Variants in HPSE2 observed in about 807,000 individuals in gnomAD.
The protein encoded by HPSE2 is heparanase 2 (inactive), also known as inactive heparanase-2.
HPSE2 carries 38 observed loss-of-function variants against 60.5 expected under a neutral mutation model. The ratio of observed to expected loss-of-function variants is 0.63; its 90% confidence interval spans 0.48 to 0.82. The LOEUF (loss-of-function observed/expected upper bound fraction) is 0.82. Among genes scored for constraint, HPSE2 ranks in the 40% least tolerant of loss-of-function variants. HPSE2 has a pLI of 0.00. For missense variants in HPSE2, 713 were observed against 740.4 expected (o/e 0.96, Z 0.43); for synonymous variants, 295 against 293.2 (o/e 1.01, Z -0.06).
intron 9 of HPSE2, among the ~76,000 whole-genome samples, chr10:98,552,985 A>G (rs760185039): frequency 1.3e-5 from 2 of 152,214 alleles, no homozygotes; most frequent in Non-Finnish European, 2.9e-5. Context: ...TTTTGCCTGC[A>G]AAAGACCCTT....
At chr10:98,640,840 T>C (rs1276450934) in intron 7 of HPSE2, among the ~76,000 whole-genome samples, 1 of 152,132 alleles carries the variant, frequency 6.6e-6, no homozygotes, top group Non-Finnish European at 1.5e-5. Context: ...CAAAATGTGA[T>C]CCATAATTGG....
chr10:99,312,596 G>T, the HPSE2 span, among the ~76,000 whole-genome samples: 4 of 152,278 alleles, frequency 2.6e-5, no homozygotes, highest in Admixed American at 6.5e-5. Flanking sequence ...TAACATTACT[G>T]CTCATTGACA....
chr10:98,744,187 G>T (rs1240305588), intron 3 of HPSE2, 131 bp from the exon 4 acceptor site: 1 of 864,184 alleles, frequency 1.2e-6, no homozygotes, highest in Non-Finnish European at 1.9e-6. Flanking sequence ...GCTTCTAAAA[G>T]GGACTATTAC....
At chr10:99,117,420 A>G (rs1844745993) in intron 3 of HPSE2, among the ~76,000 whole-genome samples, 11 of 27,214 alleles carry the variant, frequency 4.0e-4, no homozygotes, top group East Asian at 3.8e-3. Context: ...TTTTTTTGAA[A>G]AAAAAAAAAA....
rs1184436907 is a variant in HPSE2, at chr10:98,534,566, G to A, written c.1321-44370C>T. Among the ~76,000 whole-genome samples the A allele has an allele frequency of 3.3e-5, 5 of 152,098 alleles. No individual in the cohort carries two copies. The East Asian group carries it at 7.8e-4, about 24-fold the overall frequency. ...ATTATAGGCGTGTGCCACCACACCC[G>A]ACTAATTTTTGTATTTTTAGTAGAG... On this transcript the variant is annotated intron_variant, in intron 9 of 11. Coordinates refer to ENST00000370552, the MANE Select transcript of HPSE2 (RefSeq NM_021828.5).
At chr10:98,703,698 A>T (rs1948471892) in intron 5 of HPSE2, among the ~76,000 whole-genome samples, 1 of 152,096 alleles carries the variant, frequency 6.6e-6, no homozygotes, top group Admixed American at 6.6e-5. Context: ...GATGCAGAAA[A>T]CCCCTTTGAT....
chr10:98,826,414 A>C (rs914285514), intron 3 of HPSE2, among the ~76,000 whole-genome samples: 1 of 152,210 alleles, frequency 6.6e-6, no homozygotes, highest in Non-Finnish European at 1.5e-5. Flanking sequence ...GGGTTTGTGG[A>C]AGTACCTTTG....
intron 3 of HPSE2, among the ~76,000 whole-genome samples, chr10:99,078,451 T>C (rs924819011): frequency 6.6e-6 from 1 of 152,212 alleles, no homozygotes; most frequent in Non-Finnish European, 1.5e-5. Context: ...ATAATACCTA[T>C]ACAATGTAAA....
At chr10:98,989,881 G>A (rs1956481098) in intron 3 of HPSE2, among the ~76,000 whole-genome samples, 2 of 152,084 alleles carry the variant, frequency 1.3e-5, no homozygotes, top group Non-Finnish European at 2.9e-5. Context: ...CATTCTTAGA[G>A]TCTTCTGCTG....
chr10:98,557,708 T>C (rs1169280175), intron 9 of HPSE2, among the ~76,000 whole-genome samples: 1 of 152,210 alleles, frequency 6.6e-6, no homozygotes, highest in Non-Finnish European at 1.5e-5. Context: ...CCCAGCACTT[T>C]GGGAGGCCGA....
At chr10:99,080,812 A>G (rs1843107724) in intron 3 of HPSE2, among the ~76,000 whole-genome samples, 1 of 152,204 alleles carries the variant, frequency 6.6e-6, no homozygotes, top group South Asian at 2.1e-4. Context: ...TTCTCTTAGC[A>G]TATACAATGA....
At chr10:98,485,598 C>T (rs913606455) in intron 10 of HPSE2, among the ~76,000 whole-genome samples, 33 of 150,048 alleles carry the variant, frequency 2.2e-4, no homozygotes, top group Non-Finnish European at 5.9e-5. Context: ...CAGTGTTGAC[C>T]ATCATTAAAG....
intron 3 of HPSE2, among the ~76,000 whole-genome samples, chr10:98,889,385 T>G (rs1341241198): frequency 1.3e-5 from 2 of 151,528 alleles, no homozygotes; most frequent in Admixed American, 6.6e-5. Flanking sequence ...TTTTGTATTT[T>G]CAGTAGTGAC....
intron 3 of HPSE2, among the ~76,000 whole-genome samples, chr10:99,112,189 C>T (rs1272021118): frequency 6.6e-6 from 1 of 152,182 alleles, no homozygotes; most frequent in Non-Finnish European, 1.5e-5. Flanking sequence ...CTCCCTAATA[C>T]AGTAACAATA....
intron 9 of HPSE2, among the ~76,000 whole-genome samples, chr10:98,610,076 C>T (rs945282576): frequency 2.6e-5 from 4 of 152,058 alleles, no homozygotes; most frequent in Non-Finnish European, 5.9e-5. Context: ...CCCCTGACCT[C>T]GTGATCCGCC....
At chr10:98,932,833 T>C (rs1370042634) in intron 3 of HPSE2, among the ~76,000 whole-genome samples, 2 of 143,636 alleles carry the variant, frequency 1.4e-5, no homozygotes, top group Non-Finnish European at 3.0e-5. Flanking sequence ...TCCCCCTTAT[T>C]ATTTCTGATT....
chr10:98,730,860 G>T (rs1437892875), intron 4 of HPSE2, among the ~76,000 whole-genome samples: 1 of 152,194 alleles, frequency 6.6e-6, no homozygotes, highest in Non-Finnish European at 1.5e-5. Context: ...GTATGGATTA[G>T]TTGGTGAATT....
intron 2 of HPSE2, among the ~76,000 whole-genome samples, chr10:99,220,728 G>A (rs977262275): frequency 7.3e-5 from 11 of 151,514 alleles, no homozygotes; most frequent in South Asian, 2.1e-4. Context: ...TCTTGAACCC[G>A]GGAGGTGGAG....
intron 3 of HPSE2, among the ~76,000 whole-genome samples, chr10:98,958,777 A>T (rs1955573932): frequency 6.6e-6 from 1 of 152,154 alleles, no homozygotes; most frequent in Admixed American, 6.6e-5. Flanking sequence ...ACAATGAAAA[A>T]TGTAAACTTA....
Sources: gnomAD v4.1 joint callset for allele counts (sites outside exome capture counted in the v4.1 genomes callset) on GRCh38, gnomAD v4.1.1 for gene constraint, MANE v1.5 for transcripts, NCBI Gene and HGNC (gene_info 2026-07-23, HGNC 2026-07-21) for gene names.